ROBO2: variants seen among roughly 807,000 people sequenced by gnomAD.
ROBO2 encodes the protein roundabout homolog 2.
A neutral mutation model predicts 160.8 loss-of-function variants in ROBO2; 53 were observed. That is an observed-to-expected ratio of 0.33 (90% CI 0.26 to 0.41). ROBO2 has a LOEUF of 0.41. Ranked by LOEUF, ROBO2 falls within the 10% of genes least tolerant of loss-of-function variation. ROBO2 has a pLI of 1.00. For missense variants in ROBO2, 1,577 were observed against 1,722.4 expected (o/e 0.92, Z 1.49); for synonymous variants, 664 against 611.7 (o/e 1.09, Z -1.26).
intron 2 of ROBO2, among the ~76,000 whole-genome samples, chr3:76,759,115 C>T (rs116651862): frequency 9.2e-4 from 140 of 151,802 alleles, no homozygotes; most frequent in Non-Finnish European, 1.1e-3. Context: ...AGAACTGGAA[C>T]GAAACTTAAA....
intron 2 of ROBO2, among the ~76,000 whole-genome samples, chr3:77,284,772 T>A (rs954187561): frequency 1.3e-5 from 2 of 152,074 alleles, no homozygotes; most frequent in Non-Finnish European, 1.5e-5. Flanking sequence ...TTATTAATAA[T>A]AATATCATCC....
At chr3:75,997,499 C>CTTTTTTT (rs56890342) in intron 2 of ROBO2, among the ~76,000 whole-genome samples, 2 of 126,522 alleles carry the variant, frequency 1.6e-5, no homozygotes, top group Non-Finnish European at 1.6e-5. Context: ...TTCATCCATT[C>CTTTTTTT]TTTTTTTTTT....
intron 2 of ROBO2, among the ~76,000 whole-genome samples, chr3:77,408,168 C>G (rs933542619): frequency 5.9e-5 from 9 of 152,028 alleles, no homozygotes; most frequent in Non-Finnish European, 1.0e-4. Context: ...GAGGAACATT[C>G]TAACTTTTAG....
intron 2 of ROBO2, among the ~76,000 whole-genome samples, chr3:77,175,845 T>C (rs1039390223): frequency 2.6e-5 from 4 of 152,050 alleles, no homozygotes; most frequent in African/African-American, 7.2e-5. Context: ...TGGTACATGT[T>C]GACTTTGATA....
At chr3:76,699,950 C>G (rs889445165) in intron 2 of ROBO2, among the ~76,000 whole-genome samples, 3 of 152,048 alleles carry the variant, frequency 2.0e-5, no homozygotes, top group African/African-American at 4.8e-5. Context: ...ATGGTAAATG[C>G]AACTTATGGC....
intron 2 of ROBO2, chr3:77,316,946 CG>C: frequency 7.5e-7 from 1 of 1,328,518 alleles, no homozygotes; most frequent in Non-Finnish European, 1.1e-6. Context: ...GCTGCTGTTC[CG>C]AAGCGCGTGT....
At chr3:77,180,431 TGTA>T (rs1190231901) in intron 2 of ROBO2, among the ~76,000 whole-genome samples, 35 of 119,830 alleles carry the variant, frequency 2.9e-4, no homozygotes, top group African/African-American at 7.9e-4. Flanking sequence ...TATATATATA[TGTA>T]TTTTTTTTTT....
intron 2 of ROBO2, among the ~76,000 whole-genome samples, chr3:77,019,008 G>A (rs1448724666): frequency 6.6e-6 from 1 of 152,114 alleles, no homozygotes; most frequent in Non-Finnish European, 1.5e-5. Flanking sequence ...CGCTCAAGTT[G>A]GTGTGGGGCA....
rs71104679 is a variant in ROBO2, at chr3:77,386,603, A to ATTTTTTTTTTTTTTTTTTTTTTTTTTT, written c.389-90794_389-90793insTTTTTTTTTTTTTTTTTTTTTTTTTTT. 3.7e-4 allele frequency among the ~76,000 whole-genome samples: 34 copies of ATTTTTTTTTTTTTTTTTTTTTTTTTTT among 91,902 alleles called. 6 individuals are homozygous for ATTTTTTTTTTTTTTTTTTTTTTTTTTT. Among genetic ancestry groups the ATTTTTTTTTTTTTTTTTTTTTTTTTTT allele is most frequent in the East Asian group, 2.0e-3 (5 of 2,508 alleles). 60.3% of individuals were successfully genotyped at this position (91,902 alleles called of 152,430 possible). ...AGTTAATTATTTTTTCAGCCAGGTA[A>ATTTTTTTTTTTTTTTTTTTTTTTTTTT]TTTTTTTTTTTTTTTTTGAAATAGA... On this transcript the variant is annotated intron_variant, in intron 2 of 25. Coordinates refer to ENST00000461745, the Ensembl canonical transcript of ROBO2.
At chr3:77,041,469 A>G (rs893473738) in intron 1 of ROBO2, among the ~76,000 whole-genome samples, 1 of 152,188 alleles carries the variant, frequency 6.6e-6, no homozygotes, top group South Asian at 2.1e-4. Context: ...CTCAGTCCCC[A>G]GTGGGCAAAC....
At chr3:77,017,246 CT>C (rs761179098) in intron 2 of ROBO2, among the ~76,000 whole-genome samples, 1 of 152,124 alleles carries the variant, frequency 6.6e-6, no homozygotes, top group African/African-American at 2.4e-5. Flanking sequence ...AATAATCAGT[CT>C]TTGGGTCTGT....
At chr3:76,753,070 A>T (rs1229525550) in intron 2 of ROBO2, among the ~76,000 whole-genome samples, 1 of 151,962 alleles carries the variant, frequency 6.6e-6, no homozygotes, top group Non-Finnish European at 1.5e-5. Flanking sequence ...TGCAAAACAT[A>T]CGTACACACA....
chr3:76,680,973 C>T (rs1214707623), intron 2 of ROBO2, among the ~76,000 whole-genome samples: 1 of 151,948 alleles, frequency 6.6e-6, no homozygotes, highest in Non-Finnish European at 1.5e-5. Context: ...GACAGGGTTT[C>T]AGTATGTTGC....
intron 4 of ROBO2, among the ~76,000 whole-genome samples, chr3:77,492,887 A>G (rs2086308695): frequency 6.6e-6 from 1 of 152,198 alleles, no homozygotes; most frequent in Non-Finnish European, 1.5e-5. Flanking sequence ...GAACCCTGAT[A>G]ATAGATTATT....
chr3:76,445,326 A>C (rs2077123646), intron 2 of ROBO2, among the ~76,000 whole-genome samples: 1 of 152,222 alleles, frequency 6.6e-6, no homozygotes, highest in Non-Finnish European at 1.5e-5. Flanking sequence ...TGGTATAGTC[A>C]CTTGAAATTG....
chr3:76,935,113 G>A (rs1184161750), intron 2 of ROBO2, among the ~76,000 whole-genome samples: 1 of 151,648 alleles, frequency 6.6e-6, no homozygotes, highest in Non-Finnish European at 1.5e-5. Context: ...CACCACACCT[G>A]GCTAATTTTT....
At chr3:76,244,699 G>T (rs557089397) in intron 2 of ROBO2, among the ~76,000 whole-genome samples, 3 of 152,282 alleles carry the variant, frequency 2.0e-5, no homozygotes, top group African/African-American at 7.2e-5. Context: ...TGGAAATCTA[G>T]ACCTCGCACT....
chr3:76,641,998 G>A (rs1481550368), intron 2 of ROBO2, among the ~76,000 whole-genome samples: 1 of 152,218 alleles, frequency 6.6e-6, no homozygotes, highest in East Asian at 1.9e-4. Flanking sequence ...GGGAATACAG[G>A]CATGAGCCAC....
intron 2 of ROBO2, among the ~76,000 whole-genome samples, chr3:76,401,910 A>T (rs1289610419): frequency 1.3e-5 from 2 of 151,518 alleles, no homozygotes; most frequent in Non-Finnish European, 3.0e-5. Flanking sequence ...GAATACAAAG[A>T]AAAATTTTTA....
Sources: allele counts gnomAD v4.1 joint callset (sites outside exome capture counted in the v4.1 genomes callset), GRCh38; gene constraint gnomAD v4.1.1; transcripts MANE v1.5; gene names NCBI Gene and HGNC (gene_info 2026-07-23, HGNC 2026-07-21).